Variants in NGRN observed in about 807,000 individuals in gnomAD.
NGRN encodes neugrin.
In NGRN, 12 loss-of-function variants were observed where a neutral mutation model predicts 13.1. The ratio of observed to expected loss-of-function variants is 0.92; its 90% CI spans 0.59 to 1.49. The LOEUF (loss-of-function observed/expected upper bound fraction) is 1.49. NGRN is among the 40% of genes most tolerant of loss of function. The pLI, the probability that NGRN is intolerant of heterozygous loss-of-function variation, is 0.00. For missense variants in NGRN, 397 were observed against 357.0 expected, an observed-to-expected ratio of 1.11 and a Z score of -0.90; for synonymous variants, 149 against 145.8, an observed-to-expected ratio of 1.02 and a Z score of -0.16.
rs777328136 is a variant in NGRN at position 90,265,718 on chromosome 15, G to A, written c.6G>A (p.Ala2=). Residue 2 remains alanine, a synonymous_variant, in exon 1 of 3, where the codon GCG becomes GCA. Transcript: ENST00000379095. ...GAAGGCTGGTTTGCGTCGACATGGC[G>A]GTTACCCTGAGTCTCTTGCTGGGCG... M[A]VTLSLLLGGR... 4.3e-6 allele frequency: 7 copies of A among 1,613,304 alleles called. No individual in the cohort carries two copies. Among genetic ancestry groups the A allele is most frequent in the Non-Finnish European group, 5.1e-6 (6 of 1,179,840 alleles).
chr15:90,266,837 G>A (rs755353393), intron 2 of NGRN, among the ~76,000 whole-genome samples: 5 of 152,214 alleles, frequency 3.3e-5, no homozygotes, highest in Non-Finnish European at 7.3e-5. Context: ...CCCAACCTAA[G>A]GTACAGGGAT....
At position 90,271,473 on chromosome 15, in the gene NGRN, C is replaced by T. The variant is rs574771556; in HGVS notation, c.561C>T (p.His187=). 1.2e-6 allele frequency: 2 copies of T among 1,613,942 alleles called. No individual in the cohort carries two copies. The highest frequency in any genetic ancestry group is 1.7e-6 in the Non-Finnish European group (2 of 1,180,008). ...GHEASSKDPN[H]STALKVIESD... The stretch of plus-strand genomic sequence containing the variant: ...AAGCCTCATCTAAAGACCCAAATCA[C>T]AGCACAGCTTTGAAAGTGATAGAGT... Residue 187 remains histidine (H), a synonymous_variant, in exon 3 of 3, where the codon CAC becomes CAT. Transcript: ENST00000379095.
chr15:90,270,068 T>C (rs1963482617), intron 2 of NGRN, among the ~76,000 whole-genome samples: 1 of 152,200 alleles, frequency 6.6e-6, no homozygotes, highest in African/African-American at 2.4e-5. Context: ...ATTCCTTTTT[T>C]TCTTTTTTTA....
At position 90,266,350 on chromosome 15, in the gene NGRN, C is replaced by T. The variant is rs1266267824; in HGVS notation, c.227C>T (p.Pro76Leu). The change falls in exon 2 of 3, where the codon CCT (proline) becomes CTT (leucine). Residue 76 changes from proline to leucine, a missense_variant. Transcript: ENST00000379095. ...AAAATTCGGAGGCAAATGGAGGCGC[C>T]TGGTGCCCCGCCCAGGACCCTGACG... is the stretch of plus-strand genomic sequence containing the variant. ...FQKIRRQMEA[P>L]GAPPRTLTWE... 4 of 1,613,858 alleles carry T rather than the reference C, an allele frequency of 2.5e-6. No individual in the cohort carries two copies. The Admixed American group carries it at 6.7e-5, about 27-fold the overall frequency.
intron 2 of NGRN, among the ~76,000 whole-genome samples, chr15:90,270,889 G>C (rs567804249): frequency 1.3e-5 from 2 of 152,274 alleles, no homozygotes; most frequent in South Asian, 4.1e-4. Flanking sequence ...GTGCAGTGGT[G>C]CAGTGGTGCA....
At position 90,265,689 on chromosome 15, in the gene NGRN, T is replaced by C. The variant is rs369128200; in HGVS notation, c.-24T>C. ...CTTCCGCTGCTGTTTCGTAGCCGAC[T>C]GCTGAAGGCTGGTTTGCGTCGACAT... On this transcript the variant is annotated 5_prime_UTR_variant, in exon 1 of 3. Coordinates refer to ENST00000379095, the MANE Select transcript of NGRN (RefSeq NM_001033088.3). The C allele has an allele frequency of 6.8e-6, 11 of 1,612,760 alleles. No individual in the cohort carries two copies. Among genetic ancestry groups the C allele is most frequent in the Non-Finnish European group, 9.3e-6 (11 of 1,179,730 alleles).
intron 2 of NGRN, among the ~76,000 whole-genome samples, chr15:90,268,943 CCCA>C (rs757173236): frequency 0.13 from 1,335 of 9,968 alleles, 1 homozygote; most frequent in Middle Eastern, 0.25. Flanking sequence ...ACTGCTTTCT[CCCA>C]CCCCCCCCCC....
chr15:90,269,189 G>GTTTTTTTTT (rs1567083100), intron 2 of NGRN, among the ~76,000 whole-genome samples: 2 of 122,752 alleles, frequency 1.6e-5, no homozygotes, highest in Non-Finnish European at 1.6e-5. Flanking sequence ...TTTTTTTTTG[G>GTTTTTTTTT]ATTTTTAGTA....
Position 90,266,310 on chromosome 15 carries a change from G to A in NGRN, c.187G>A (p.Ala63Thr). ...CAGCACCCTGAAACGACAGAAACAA[G>A]CAATCCGATTCCAGAAAATTCGGAG... is the stretch of plus-strand genomic sequence containing the variant. ...VESTLKRQKQ[A>T]IRFQKIRRQM... The change falls in exon 2 of 3, where the codon GCA becomes ACA. Residue 63 changes from alanine to threonine, a missense_variant. Physicochemically the swap from Ala to Thr is moderately conservative, Grantham distance 58 (BLOSUM62 0). Coordinates refer to ENST00000379095, the MANE Select transcript of NGRN (RefSeq NM_001033088.3). 2 of 1,613,744 alleles carry A rather than the reference G, an allele frequency of 1.2e-6. No individual in the cohort carries two copies. The highest frequency in any genetic ancestry group is 1.7e-6 in the Non-Finnish European group (2 of 1,179,848).
rs1435040810 is a variant in NGRN, at chr15:90,265,739, G to T, written c.27G>T (p.Leu9=). Residue 9 remains leucine, a synonymous_variant, in exon 1 of 3, where the codon CTG becomes CTT. Coordinates refer to ENST00000379095, the MANE Select transcript of NGRN (RefSeq NM_001033088.3). ...TGGCGGTTACCCTGAGTCTCTTGCT[G>T]GGCGGGCGCGTTTGCGCCGCCGTCA... The part of the protein sequence containing the change: MAVTLSLL[L]GGRVCAAVTR... The T allele has an allele frequency of 1.9e-6, 3 of 1,613,336 alleles. No homozygotes were observed. The highest frequency in any genetic ancestry group is 1.7e-4 in the Middle Eastern group (1 of 5,768).
At position 90,271,220 on chromosome 15, in the gene NGRN, C is replaced by G. The variant is rs779394011; in HGVS notation, c.308C>G (p.Ser103Ter). ...CATGAGGAATTTCCAGAGTCCTGGT[C>G]AGTTCCCAGGTTGGCTGAAGGCTTT... ...YLHEEFPESWSVPRLAEGFDV... is the reference protein window; with the variant it reads ...YLHEEFPESW Residue 103 changes from serine to a stop codon, truncating the protein, a stop_gained, in exon 3 of 3, where the codon TCA becomes TGA. Transcript: ENST00000379095. LOFTEE classifies it low-confidence loss of function (END_TRUNC). 6.2e-7 allele frequency: 1 copy of G among 1,613,942 alleles called. No individual in the cohort carries two copies. The highest frequency in any genetic ancestry group is 8.5e-7 in the Non-Finnish European group (1 of 1,179,970).
chr15:90,271,249 G>A lies in NGRN; in HGVS notation c.337G>A (p.Val113Ile), dbSNP rs1460394721. 3 of 1,614,022 alleles carry A rather than the reference G, an allele frequency of 1.9e-6. No individual in the cohort carries two copies. Reference sequence around the variant, plus strand: ...TCCCAGGTTGGCTGAAGGCTTTGATGTCAGCACTGATGTGATCCGAAGAGT... The same window carrying A: ...TCCCAGGTTGGCTGAAGGCTTTGATATCAGCACTGATGTGATCCGAAGAGT... Reference protein sequence around the residue: ...SVPRLAEGFDVSTDVIRRVLK... With the variant: ...SVPRLAEGFDISTDVIRRVLK... Residue 113 changes from valine (V) to isoleucine (I), a missense_variant, in exon 3 of 3, where the codon GTC becomes ATC. Transcript: ENST00000379095.
At chr15:90,271,155 C>A in intron 2 of NGRN, 33 bp from the exon 3 acceptor site, 1 of 1,589,106 alleles carries the variant, frequency 6.3e-7, no homozygotes, top group Non-Finnish European at 8.6e-7. Flanking sequence ...GAGACTTCTT[C>A]ACAACTTGCA....
At chr15:90,266,126 T>C in intron 1 of NGRN, 162 bp from the exon 2 acceptor site, 6 of 1,447,952 alleles carry the variant, frequency 4.1e-6, no homozygotes, top group Non-Finnish European at 5.4e-6. Context: ...TTCTAGGTGT[T>C]AGCTTTCTGG....
At chr15:90,268,099 T>A (rs973835335) in intron 2 of NGRN, among the ~76,000 whole-genome samples, 1 of 151,940 alleles carries the variant, frequency 6.6e-6, no homozygotes, top group Non-Finnish European at 1.5e-5. Flanking sequence ...TGCCTCCAGG[T>A]TCAAGAGATT....
chr15:90,266,179 CT>C (rs1963415950), intron 1 of NGRN, 108 bp from the exon 2 acceptor site: 14 of 1,484,490 alleles, frequency 9.4e-6, no homozygotes, highest in Non-Finnish European at 1.3e-5. Flanking sequence ...CCCGGTTGCC[CT>C]TGCGATCAAA....
chr15:90,271,557 G>A lies in NGRN; in HGVS notation c.645G>A (p.Gln215=). The A allele has an allele frequency of 6.2e-7, 1 of 1,614,096 alleles. No homozygotes were observed. The highest frequency in any genetic ancestry group is 1.1e-5 in the South Asian group (1 of 91,080). ...RRRKGRNKEI[Q]DLEESFVPVA... The stretch of plus-strand genomic sequence containing the variant: ...GGAAGGGAAGAAATAAAGAAATCCA[G>A]GACCTGGAGGAGAGCTTTGTGCCTG... The change falls in exon 3 of 3, where the codon CAG becomes CAA. Residue 215 remains glutamine, a synonymous_variant. Transcript: ENST00000379095.
chr15:90,271,768 A>G lies in NGRN; in HGVS notation c.856A>G (p.Asn286Asp), dbSNP rs1963509101. The stretch of plus-strand genomic sequence containing the variant: ...CCGAGAGTTCTTTGACAGCAACGGG[A>G]ACTTCCTGTACAGAATTTGAGTCGG... ...RGREFFDSNG[N>D]FLYRI Residue 286 changes from asparagine to aspartate, a missense_variant, in exon 3 of 3, where the codon AAC becomes GAC. By Grantham distance (23) the Asn-to-Asp change is conservative. Coordinates refer to ENST00000379095, the MANE Select transcript of NGRN (RefSeq NM_001033088.3). 6.2e-7 allele frequency: 1 copy of G among 1,614,116 alleles called. No homozygotes were observed.
rs1484415046 is a variant in NGRN, at chr15:90,272,184, C to T, written c.*396C>T. The T allele has an allele frequency of 4.9e-6, 1 of 202,360 alleles. No homozygotes were observed. Among genetic ancestry groups the T allele is most frequent in the Admixed American group, 5.2e-5 (1 of 19,194 alleles). The allele number at this position is 202,360 out of a possible 1,614,324, so 12.5% of individuals were successfully genotyped here. Reference sequence around the variant, plus strand: ...CAACTTAGTCAATTGGTTTTCCTTACAACAAAATAAAGTAAAATGTAGCAG... The same window carrying T: ...CAACTTAGTCAATTGGTTTTCCTTATAACAAAATAAAGTAAAATGTAGCAG... On this transcript the variant is annotated 3_prime_UTR_variant, in exon 3 of 3. Coordinates refer to ENST00000379095, the MANE Select transcript of NGRN (RefSeq NM_001033088.3).
Sources: gnomAD v4.1 joint callset for allele counts (sites outside exome capture counted in the v4.1 genomes callset) on GRCh38, gnomAD v4.1.1 for gene constraint, MANE v1.5 for transcripts, NCBI Gene and HGNC (gene_info 2026-07-23, HGNC 2026-07-21) for gene names.